ROBO1: variants seen among roughly 807,000 people sequenced by gnomAD.
ROBO1 encodes the protein roundabout guidance receptor 1.
A neutral mutation model predicts 195.9 loss-of-function variants in ROBO1; 149 were observed. The observed-to-expected ratio is 0.76, with a 90% CI of 0.67 to 0.87. The LOEUF is 0.87. Ranked by LOEUF, ROBO1 falls within the 40% of genes least tolerant of loss-of-function variation. ROBO1 has a pLI of 0.00. For synonymous variants in ROBO1, 816 were observed against 733.2 expected (o/e 1.11, Z -1.82); for missense variants, 1,933 against 2,068.3 (o/e 0.93, Z 1.27).
chr3:78,650,044 T>C (rs79454210), intron 19 of ROBO1, among the ~76,000 whole-genome samples: 5,253 of 152,164 alleles, frequency 0.035, 131 homozygotes, highest in Middle Eastern at 0.078. Context: ...TGATGAAGAA[T>C]TCAAGAGACT....
chr3:79,234,038 T>A (rs917924164), intron 2 of ROBO1, among the ~76,000 whole-genome samples: 1 of 137,236 alleles, frequency 7.3e-6, no homozygotes, highest in Admixed American at 7.0e-5. Context: ...ATGCAGTTGT[T>A]TTTTGCTTAT....
chr3:79,744,700 G>A (rs938550353), intron 1 of ROBO1, among the ~76,000 whole-genome samples: 1 of 151,986 alleles, frequency 6.6e-6, no homozygotes, highest in African/African-American at 2.4e-5. Context: ...AGAAGGCCAA[G>A]GTGACTAAGA....
chr3:78,746,491 T>C (rs538653128), intron 5 of ROBO1, among the ~76,000 whole-genome samples: 67 of 152,302 alleles, frequency 4.4e-4, no homozygotes, highest in Admixed American at 7.9e-4. Flanking sequence ...ATAAAAGTGT[T>C]AACTCTGAGA....
At chr3:78,664,069 C>A (rs1275703777) in intron 14 of ROBO1, among the ~76,000 whole-genome samples, 4 of 152,064 alleles carry the variant, frequency 2.6e-5, no homozygotes, top group African/African-American at 9.7e-5. Context: ...CAGTCTATAA[C>A]ATTATAATAG....
At chr3:78,930,767 G>A (rs934064302) in intron 4 of ROBO1, among the ~76,000 whole-genome samples, 4 of 151,854 alleles carry the variant, frequency 2.6e-5, no homozygotes, top group Non-Finnish European at 1.5e-5. Flanking sequence ...AACATTTCTT[G>A]CCTGGAATAC....
chr3:78,715,356 C>T (rs2081875185), intron 7 of ROBO1: 1 of 152,092 alleles, frequency 6.6e-6, no homozygotes, highest in East Asian at 1.9e-4. Context: ...AACAAGTCAT[C>T]CAATTTGTCA....
At chr3:79,164,608 A>G (rs1559705273) in intron 2 of ROBO1, among the ~76,000 whole-genome samples, 1 of 152,174 alleles carries the variant, frequency 6.6e-6, no homozygotes, top group Non-Finnish European at 1.5e-5. Context: ...TTTTAAAATA[A>G]CATCCTTAAT....
chr3:78,878,662 A>T (rs2107229905), intron 4 of ROBO1, among the ~76,000 whole-genome samples: 1 of 151,902 alleles, frequency 6.6e-6, no homozygotes, highest in South Asian at 2.1e-4. Flanking sequence ...CAGCCAAAAT[A>T]AAATAGACAA....
chr3:79,404,606 A>G (rs1202517777), intron 2 of ROBO1, among the ~76,000 whole-genome samples: 1 of 152,148 alleles, frequency 6.6e-6, no homozygotes, highest in Non-Finnish European at 1.5e-5. Flanking sequence ...ATTTGGTGCC[A>G]TGCACTGAAG....
intron 3 of ROBO1, among the ~76,000 whole-genome samples, chr3:78,990,596 T>G (rs2077215025): frequency 6.6e-6 from 1 of 152,302 alleles, no homozygotes; most frequent in South Asian, 2.1e-4. Context: ...GACAAAAAAT[T>G]TAAGCATCTT....
chr3:78,859,804 G>A (rs946051862), intron 4 of ROBO1, among the ~76,000 whole-genome samples: 3 of 152,164 alleles, frequency 2.0e-5, no homozygotes, highest in Admixed American at 6.5e-5. Context: ...AGGGGGAGCC[G>A]GTGCAGGGGC....
chr3:79,372,555 T>C (rs868080025), intron 2 of ROBO1, among the ~76,000 whole-genome samples: 58 of 152,004 alleles, frequency 3.8e-4, no homozygotes, highest in African/African-American at 1.2e-3. Flanking sequence ...GCTTGAATGC[T>C]CACGTGCTCT....
intron 3 of ROBO1, among the ~76,000 whole-genome samples, chr3:78,952,795 C>T (rs2040856965): frequency 6.6e-6 from 1 of 151,974 alleles, no homozygotes; most frequent in Non-Finnish European, 1.5e-5. Context: ...CTACATAATG[C>T]CATTTCGCTC....
chr3:79,715,576 G>T (rs9855389), intron 1 of ROBO1, among the ~76,000 whole-genome samples: 42,922 of 151,950 alleles, frequency 0.28, 6,878 homozygotes, highest in African/African-American at 0.44. Context: ...TTCTACATGT[G>T]CTGGGAAACT....
chr3:78,765,074 T>C (rs981085164), intron 4 of ROBO1, among the ~76,000 whole-genome samples: 3 of 152,238 alleles, frequency 2.0e-5, no homozygotes, highest in Middle Eastern at 3.4e-3. Flanking sequence ...GGTTTTATTG[T>C]TGTTGCTGAA....
At chr3:79,222,033 C>T (rs1403596064) in intron 2 of ROBO1, among the ~76,000 whole-genome samples, 1 of 151,976 alleles carries the variant, frequency 6.6e-6, no homozygotes, top group East Asian at 1.9e-4. Flanking sequence ...GCAAGTATTT[C>T]TTAAATGAAG....
chr3:78,814,604 A>C (rs1312856847), intron 4 of ROBO1, among the ~76,000 whole-genome samples: 1 of 152,112 alleles, frequency 6.6e-6, no homozygotes, highest in Non-Finnish European at 1.5e-5. Context: ...GTAAGATAAA[A>C]GTAAATTGCA....
intron 18 of ROBO1, among the ~76,000 whole-genome samples, chr3:78,653,260 C>T (rs1459108942): frequency 6.6e-6 from 1 of 151,608 alleles, no homozygotes; most frequent in Non-Finnish European, 1.5e-5. Flanking sequence ...CATGGTCAAT[C>T]CAGACATCTG....
intron 28 of ROBO1, among the ~76,000 whole-genome samples, chr3:78,609,901 G>T (rs1433887471): frequency 1.3e-5 from 2 of 151,880 alleles, no homozygotes; most frequent in Admixed American, 6.6e-5. Flanking sequence ...ACAATTTTTT[G>T]AAACTTATTT....
Sources: gnomAD v4.1 joint callset for allele counts (sites outside exome capture counted in the v4.1 genomes callset) on GRCh38, gnomAD v4.1.1 for gene constraint, MANE v1.5 for transcripts, NCBI Gene and HGNC (gene_info 2026-07-23, HGNC 2026-07-21) for gene names.